FBXO45: variants seen among roughly 807,000 people sequenced by gnomAD.
FBXO45 encodes F-box/SPRY domain-containing protein 1.
In FBXO45, 3 loss-of-function variants were observed where a neutral mutation model predicts 25.5. The observed-to-expected ratio is 0.12, with a 90% CI of 0.05 to 0.30. The LOEUF (loss-of-function observed/expected upper bound fraction) is 0.30. Among genes scored for constraint, FBXO45 ranks in the 10% least tolerant of loss-of-function variants. FBXO45 has a pLI of 1.00. For missense variants in FBXO45, 219 were observed against 365.0 expected (o/e 0.60, Z 3.26); for synonymous variants, 155 against 149.8 (o/e 1.03, Z -0.25).
rs1736115411 is a variant in FBXO45 at position 196,586,616 on chromosome 3, T to C, written c.*2298T>C. 6.6e-6 allele frequency: 1 copy of C among 152,200 alleles called. No individual in the cohort carries two copies. The highest frequency in any genetic ancestry group is 1.5e-5 in the Non-Finnish European group (1 of 68,030). 9.4% of individuals were successfully genotyped at this position (152,200 alleles called of 1,614,324 possible). The stretch of plus-strand genomic sequence containing the variant: ...TCAAGGAGATGGAATATCTTTGTCA[T>C]TGGTGCTGAGGAGAGCATTTCGGTA... On this transcript the variant is annotated 3_prime_UTR_variant, in exon 3 of 3. Transcript: ENST00000311630.
chr3:196,571,718 CCTGT>C (rs774913307), intron 1 of FBXO45, among the ~76,000 whole-genome samples: 5 of 152,176 alleles, frequency 3.3e-5, no homozygotes, highest in Non-Finnish European at 7.3e-5. Context: ...ATGTATGCAA[CCTGT>C]CTTACTTTTT....
chr3:196,576,693 T>C (rs1735919309), intron 1 of FBXO45, among the ~76,000 whole-genome samples: 1 of 152,268 alleles, frequency 6.6e-6, no homozygotes. Flanking sequence ...ACTTGTCTTA[T>C]TGATAGCTTC....
intron 2 of FBXO45, among the ~76,000 whole-genome samples, chr3:196,581,222 C>CTTTTTTTT (rs1560319177): frequency 1.3e-5 from 1 of 75,924 alleles, no homozygotes; most frequent in African/African-American, 4.7e-5. Flanking sequence ...TTTTCTTTTT[C>CTTTTTTTT]CTTTTTTTTT....
At chr3:196,582,295 G>A (rs138356320) in intron 2 of FBXO45, among the ~76,000 whole-genome samples, 2,388 of 152,234 alleles carry the variant, frequency 0.016, 32 homozygotes, top group Non-Finnish European at 0.026. Context: ...ATACAAATAC[G>A]ACACAACACA....
intron 2 of FBXO45, among the ~76,000 whole-genome samples, chr3:196,582,019 C>T (rs1736019384): frequency 6.6e-6 from 1 of 152,160 alleles, no homozygotes; most frequent in Admixed American, 6.5e-5. Context: ...GAAGTTAATT[C>T]TCAGATTTTG....
chr3:196,586,466 C>G lies in FBXO45; in HGVS notation c.*2148C>G, dbSNP rs1238074099. On this transcript the variant is annotated 3_prime_UTR_variant, in exon 3 of 3. Coordinates refer to ENST00000311630, the MANE Select transcript of FBXO45 (RefSeq NM_001105573.2). Reference sequence around the variant, plus strand: ...CAAAGATTTAAATTCCCGAATGTCCCATTCGCAAATCATATGCAATTGAAG... The same window carrying G: ...CAAAGATTTAAATTCCCGAATGTCCGATTCGCAAATCATATGCAATTGAAG... 1 of 152,142 alleles carries G rather than the reference C, an allele frequency of 6.6e-6. No individual in the cohort carries two copies. The highest frequency in any genetic ancestry group is 1.9e-4 in the East Asian group (1 of 5,204). The allele number at this position is 152,142 out of a possible 1,614,324, so 9.4% of individuals were successfully genotyped here.
chr3:196,585,412 A>G lies in FBXO45; in HGVS notation c.*1094A>G, dbSNP rs1560320563. The stretch of plus-strand genomic sequence containing the variant: ...ATATTATCAAAAAAATTTTAATTTC[A>G]TATTGTTTACATCATGCAACTAATC... On this transcript the variant is annotated 3_prime_UTR_variant, in exon 3 of 3. Transcript: ENST00000311630. 1.3e-5 allele frequency: 2 copies of G among 152,188 alleles called. No individual in the cohort carries two copies. Among genetic ancestry groups the G allele is most frequent in the Admixed American group, 6.5e-5 (1 of 15,278 alleles). 9.4% of individuals were successfully genotyped at this position (152,188 alleles called of 1,614,324 possible).
At chr3:196,582,223 T>C (rs1337967872) in intron 2 of FBXO45, among the ~76,000 whole-genome samples, 1 of 152,232 alleles carries the variant, frequency 6.6e-6, no homozygotes, top group African/African-American at 2.4e-5. Context: ...AATCGTTACT[T>C]AGTTTCAACT....
chr3:196,572,862 GA>G (rs1175731988), intron 1 of FBXO45, among the ~76,000 whole-genome samples: 2 of 152,280 alleles, frequency 1.3e-5, no homozygotes, highest in African/African-American at 4.8e-5. Flanking sequence ...TAGGGATGAG[GA>G]AGAGGGAAGT....
intron 2 of FBXO45, among the ~76,000 whole-genome samples, chr3:196,582,484 GAA>G (rs1736029419): frequency 6.6e-6 from 1 of 152,156 alleles, no homozygotes; most frequent in Admixed American, 6.6e-5. Flanking sequence ...GAAATACAGT[GAA>G]GGAAAGTAAA....
intron 2 of FBXO45, among the ~76,000 whole-genome samples, chr3:196,578,041 A>ATTTTTTTTTTTTTT (rs1735945715): frequency 6.9e-5 from 2 of 29,106 alleles, no homozygotes; most frequent in Non-Finnish European, 1.2e-4. Flanking sequence ...ATGCAGAAAA[A>ATTTTTTTTTTTTTT]TATTCTTTTT....
chr3:196,569,160 G>A lies in FBXO45; in HGVS notation c.176G>A (p.Cys59Tyr). ...SYLELSELRS[C>Y]ALVCKHWYRC... is the part of the protein sequence containing the mutation. ...CTGGAGCTGTCCGAGCTGCGGAGCT[G>A]CGCCCTGGTGTGCAAGCACTGGTAC... Residue 59 changes from cysteine (C) to tyrosine (Y), a missense_variant, in exon 1 of 3, where the codon TGC becomes TAC. Cys to Tyr is a radical substitution (Grantham distance 194, BLOSUM62 -2). Transcript: ENST00000311630. The surrounding 1 kb of genome is among the most constrained non-coding windows in gnomAD (Gnocchi z 4.1). The A allele has an allele frequency of 6.4e-7, 1 of 1,552,466 alleles. No individual in the cohort carries two copies. The highest frequency in any genetic ancestry group is 8.7e-7 in the Non-Finnish European group (1 of 1,147,896).
At chr3:196,578,764 A>T (rs1735960448) in intron 2 of FBXO45, among the ~76,000 whole-genome samples, 1 of 152,186 alleles carries the variant, frequency 6.6e-6, no homozygotes, top group Non-Finnish European at 1.5e-5. Flanking sequence ...ATGCAAATTC[A>T]TAAACTTTCT....
In FBXO45 at chr3:196,569,286, C is replaced by T. The variant is rs1455135968; in HGVS notation, c.302C>T (p.Pro101Leu). 1 of 1,570,784 alleles carries T rather than the reference C, an allele frequency of 6.4e-7. No individual in the cohort carries two copies. Residue 101 changes from proline to leucine, a missense_variant, in exon 1 of 3, where the codon CCC becomes CTC. By Grantham distance (98) the Pro-to-Leu change is moderately conservative. This residue lies in a region of FBXO45 where 138 missense variants were observed against 157.3 expected (regional missense o/e 0.88). Coordinates refer to ENST00000311630, the MANE Select transcript of FBXO45 (RefSeq NM_001105573.2). This position sits in a 1 kb window ranked among gnomAD's most constrained non-coding sequence, Gnocchi z 4.1. Reference protein sequence around the residue: ...ALRTDILCNLPSYKAKIRAFQ... With the variant: ...ALRTDILCNLLSYKAKIRAFQ... ...CGCACGGACATCCTGTGCAACCTGC[C>T]CAGCTACAAGGCCAAGGTGAGAGAG...
At chr3:196,578,218 G>A (rs1002393526) in intron 2 of FBXO45, among the ~76,000 whole-genome samples, 2 of 151,776 alleles carry the variant, frequency 1.3e-5, no homozygotes, top group African/African-American at 4.8e-5. Context: ...TGTATTTTTA[G>A]TAGAGACAGG....
At chr3:196,582,149 A>G (rs1023554564) in intron 2 of FBXO45, among the ~76,000 whole-genome samples, 1 of 152,012 alleles carries the variant, frequency 6.6e-6, no homozygotes, top group Non-Finnish European at 1.5e-5. Flanking sequence ...CGCTTTCTCC[A>G]CCCTGGGCTT....
At chr3:196,581,090 T>C (rs142195992) in intron 2 of FBXO45, among the ~76,000 whole-genome samples, 53 of 152,314 alleles carry the variant, frequency 3.5e-4, no homozygotes, top group Non-Finnish European at 5.9e-4. Flanking sequence ...TTGACCTAAA[T>C]TAGATAATTT....
intron 1 of FBXO45, among the ~76,000 whole-genome samples, chr3:196,572,572 G>A (rs917836252): frequency 6.6e-6 from 1 of 152,194 alleles, no homozygotes; most frequent in African/African-American, 2.4e-5. Flanking sequence ...AGAGAGCAAA[G>A]GTGATGCTGG....
Position 196,569,236 on chromosome 3 carries a change from C to T in FBXO45, c.252C>T (p.Ala84=), listed in dbSNP as rs915574966. The T allele has an allele frequency of 4.4e-6, 7 of 1,583,076 alleles. No homozygotes were observed. Among genetic ancestry groups the T allele is most frequent in the African/African-American group, 1.3e-5 (1 of 74,172 alleles). ...GCGAGGTGTGGCGGAGCCTGTGCGC[C>T]CGCAGCCTGGCAGAAGAGGCTCTGC... ...ENSEVWRSLC[A]RSLAEEALRT... The change falls in exon 1 of 3, where the codon GCC becomes GCT. Residue 84 remains alanine, a synonymous_variant. Transcript: ENST00000311630. This position sits in a 1 kb window ranked among gnomAD's most constrained non-coding sequence, Gnocchi z 4.1.
Sources: allele counts gnomAD v4.1 joint callset (sites outside exome capture counted in the v4.1 genomes callset), GRCh38; gene constraint gnomAD v4.1.1; regional missense constraint gnomAD v4.1.1; non-coding constraint Gnocchi (gnomAD v3.1); transcripts MANE v1.5; gene names NCBI Gene and HGNC (gene_info 2026-07-23, HGNC 2026-07-21).